The following USP54 variants were observed in gnomAD, a reference collection of about 807,000 sequenced individuals.
USP54 encodes ubiquitin carboxyl-terminal hydrolase 54.
Under a neutral mutation model 170.5 loss-of-function variants are expected in USP54, and 87 were observed. That is an observed-to-expected ratio of 0.51 (90% CI 0.43 to 0.61). The LOEUF (loss-of-function observed/expected upper bound fraction) is 0.61, where lower values mean the gene tolerates loss of function less well. USP54 is among the 20% of genes least tolerant of loss of function. The pLI, the probability that USP54 is intolerant of heterozygous loss-of-function variation, is 0.00. For missense variants in USP54, 1,786 were observed against 2,047.8 expected (o/e 0.87, Z 2.47); for synonymous variants, 655 against 742.8 (o/e 0.88, Z 1.92).
chr10:73,530,773 G>T lies in USP54; in HGVS notation c.1378C>A (p.Arg460Ser). The T allele has an allele frequency of 1.2e-6, 2 of 1,614,060 alleles. No individual in the cohort carries two copies. Among genetic ancestry groups the T allele is most frequent in the Non-Finnish European group, 1.7e-6 (2 of 1,179,950 alleles). ...CTAACCCGACCAGAGCTCCTCTTGC[G>T]CTCTATCAGTGACCCTTTCTTGGAT... is the stretch of plus-strand genomic sequence containing the variant. ...HTSKKGSLIE[R>S]KRSSGRVRRK... The change falls in exon 13 of 24, where the codon CGC becomes AGC. Residue 460 changes from arginine (R) to serine (S), a missense_variant. By Grantham distance (110) the Arg-to-Ser change is moderately radical. Around this residue, in one of 3 missense-constraint regions of USP54, gnomAD observed 1,418 missense variants for 1,569.0 expected, o/e 0.90. Transcript: ENST00000687698.
At chr10:73,542,576 T>A (rs1254938590) in intron 7 of USP54, among the ~76,000 whole-genome samples, 1 of 151,904 alleles carries the variant, frequency 6.6e-6, no homozygotes, top group Non-Finnish European at 1.5e-5. Context: ...CACAAAAAAA[T>A]TAGCGCAGTG....
At chr10:73,594,055 C>T (rs902191800), upstream of USP54, among the ~76,000 whole-genome samples, 2 of 151,916 alleles carry the variant, frequency 1.3e-5, no homozygotes, top group Non-Finnish European at 2.9e-5. Context: ...AGTAGGAACA[C>T]GAGATTGGAA....
At chr10:73,586,314 A>G (rs2077475769) in intron 1 of USP54, among the ~76,000 whole-genome samples, 1 of 152,060 alleles carries the variant, frequency 6.6e-6, no homozygotes, top group Non-Finnish European at 1.5e-5. Flanking sequence ...AATCTTAACT[A>G]TCCTACAAGG....
chr10:73,512,019 T>C (rs1564636047), intron 20 of USP54, among the ~76,000 whole-genome samples: 2 of 152,150 alleles, frequency 1.3e-5, no homozygotes, highest in Non-Finnish European at 2.9e-5. Flanking sequence ...GTGCTGGGAT[T>C]ACAGGCGTGA....
intron 1 of USP54, among the ~76,000 whole-genome samples, chr10:73,616,591 C>T (rs2080660838): frequency 6.7e-6 from 1 of 149,966 alleles, no homozygotes; most frequent in Admixed American, 6.6e-5. Flanking sequence ...ACCACCATGG[C>T]ACACATTTAT....
chr10:73,549,514 G>C (rs569911188), intron 4 of USP54, among the ~76,000 whole-genome samples: 3 of 152,152 alleles, frequency 2.0e-5, no homozygotes, highest in African/African-American at 4.8e-5. Context: ...CACCATCCTT[G>C]CAGTTGTTTA....
rs746955834 is a variant in USP54, at chr10:73,500,674, C to T, written c.4476G>A (p.Gly1492=). The part of the protein sequence containing the change: ...SPDVLMPTMA[G]EPNRLPGTSR... ...AGTTACCTGGGAGTCTATTGGGCTC[C>T]CCTGCCATGGTGGGCATCAGGACAT... The change falls in exon 23 of 24, where the codon GGG becomes GGA. Residue 1492 remains glycine (G), a synonymous_variant. Coordinates refer to ENST00000687698, the MANE Select transcript of USP54 (RefSeq NM_001391956.1). 1.9e-6 allele frequency: 3 copies of T among 1,602,582 alleles called. No individual in the cohort carries two copies. Among genetic ancestry groups the T allele is most frequent in the South Asian group, 1.1e-5 (1 of 89,966 alleles).
chr10:73,528,842 T>C (rs2063472450), intron 15 of USP54, among the ~76,000 whole-genome samples: 1 of 152,222 alleles, frequency 6.6e-6, no homozygotes, highest in Non-Finnish European at 1.5e-5. Flanking sequence ...AACATGATGT[T>C]ATGAGATACA....
At chr10:73,567,705 C>T (rs980177880) in intron 4 of USP54, among the ~76,000 whole-genome samples, 1 of 152,050 alleles carries the variant, frequency 6.6e-6, no homozygotes, top group African/African-American at 2.4e-5. Flanking sequence ...GAATGTTATG[C>T]CTTGATGCAA....
chr10:73,542,775 G>A (rs370602991), intron 7 of USP54, 28 bp downstream of exon 7: 12 of 1,583,152 alleles, frequency 7.6e-6, no homozygotes, highest in East Asian at 2.2e-5. Flanking sequence ...ATGCCTAAAC[G>A]CACAACAGAA....
At chr10:73,541,759 G>A (rs1564762358) in intron 7 of USP54, 21 bp from the exon 8 acceptor site, 2 of 1,606,028 alleles carry the variant, frequency 1.2e-6, no homozygotes. Flanking sequence ...GGGAATAGAA[G>A]GGGGATGATG....
At chr10:73,505,120 A>G (rs895681784) in intron 21 of USP54, 130 bp from the exon 22 acceptor site, 80 of 1,365,696 alleles carry the variant, frequency 5.9e-5, no homozygotes, top group Admixed American at 3.0e-4. Context: ...AATTAGATGT[A>G]TTGGTAAGAT....
At chr10:73,552,827 C>T (rs2069869415) in intron 4 of USP54, among the ~76,000 whole-genome samples, 2 of 151,982 alleles carry the variant, frequency 1.3e-5, no homozygotes, top group Admixed American at 6.6e-5. Flanking sequence ...TGTATATATC[C>T]TAGACTAATC....
chr10:73,604,132 C>G (rs944956006), intron 1 of USP54, among the ~76,000 whole-genome samples: 1 of 151,870 alleles, frequency 6.6e-6, no homozygotes, highest in African/African-American at 2.4e-5. Context: ...ACCTGTAGTC[C>G]CAGCTACTCA....
At chr10:73,578,517 T>C (rs113272352) in intron 1 of USP54, among the ~76,000 whole-genome samples, 5,355 of 152,216 alleles carry the variant, frequency 0.035, 153 homozygotes, top group South Asian at 0.11. Flanking sequence ...GTTCAAGCAA[T>C]CCTCCTGCCT....
intron 22 of USP54, among the ~76,000 whole-genome samples, chr10:73,503,077 G>A (rs2058454934): frequency 6.6e-6 from 1 of 151,912 alleles, no homozygotes; most frequent in African/African-American, 2.4e-5. Context: ...TGACATACAG[G>A]GCTGTCTGTG....
In USP54 at chr10:73,498,567, C is replaced by A. The variant is rs567234326; in HGVS notation, c.*62G>T. ...GGGATTACAGGTGTGAGCCACCGCG[C>A]CCGGCCCACAGTACAGTTTTACAAA... On this transcript the variant is annotated 3_prime_UTR_variant, in exon 24 of 24. Coordinates refer to ENST00000687698, the MANE Select transcript of USP54 (RefSeq NM_001391956.1). 2.0e-6 allele frequency: 3 copies of A among 1,471,256 alleles called. No homozygotes were observed. Among genetic ancestry groups the A allele is most frequent in the South Asian group, 3.0e-5 (2 of 67,330 alleles). The allele number at this position is 1,471,256 out of a possible 1,614,324, so 91.1% of individuals were successfully genotyped here.
intron 1 of USP54, among the ~76,000 whole-genome samples, chr10:73,624,951 G>A (rs2081402337): frequency 6.6e-6 from 1 of 152,182 alleles, no homozygotes; most frequent in Non-Finnish European, 1.5e-5. Flanking sequence ...CCTAGATTTA[G>A]TGTTCAGCCT....
intron 1 of USP54, among the ~76,000 whole-genome samples, chr10:73,591,063 G>A (rs929769652): frequency 3.3e-5 from 5 of 151,830 alleles, no homozygotes; most frequent in African/African-American, 1.2e-4. Flanking sequence ...AGAGAGGAGG[G>A]GGAAAGAGCA....
Sources: allele counts gnomAD v4.1 joint callset (sites outside exome capture counted in the v4.1 genomes callset), GRCh38; gene constraint gnomAD v4.1.1; regional missense constraint gnomAD v4.1.1; transcripts MANE v1.5; gene names NCBI Gene and HGNC (gene_info 2026-07-23, HGNC 2026-07-21).